Variants in C17orf67 observed in about 807,000 individuals in gnomAD.
The protein encoded by C17orf67 is uncharacterized protein C17orf67.
C17orf67 carries 12 observed loss-of-function variants against 11.2 expected under a neutral mutation model. The ratio of observed to expected loss-of-function variants is 1.07; its 90% CI spans 0.68 to 1.73. The LOEUF is 1.73. Among genes scored for constraint, C17orf67 ranks in the 40% most tolerant of loss-of-function variants. C17orf67 has a pLI of 0.00. For missense variants in C17orf67, 115 were observed against 113.5 expected (o/e 1.01, Z -0.06); for synonymous variants, 59 against 46.9 (o/e 1.26, Z -1.05).
intron 6 of C17orf67, among the ~76,000 whole-genome samples, chr17:56,811,385 A>G (rs145450504): frequency 1.2e-4 from 19 of 152,322 alleles, no homozygotes; most frequent in African/African-American, 4.3e-4. Flanking sequence ...GCCCTGCCTG[A>G]GAACTCCTGG....
At chr17:56,801,394 A>T (rs2203894) in intron 6 of C17orf67, among the ~76,000 whole-genome samples, 128,973 of 152,188 alleles carry the variant, frequency 0.85, 54,863 homozygotes, top group East Asian at 0.93. Flanking sequence ...CGGGTCCACT[A>T]TAGAACTCTA....
intron 7 of C17orf67, among the ~76,000 whole-genome samples, chr17:56,792,607 GGTGGTGGTGGTGATAATGGTGAT>G (rs1421994402): frequency 1.5e-5 from 1 of 66,992 alleles, no homozygotes; most frequent in Admixed American, 1.7e-4. Context: ...TGATGGTTAT[GGTGGTGGTGGTGATAATGGTGAT>G]GTGGTGGTGG....
intron 6 of C17orf67, among the ~76,000 whole-genome samples, chr17:56,796,852 CAG>C (rs1263091892): frequency 8.8e-5 from 3 of 34,020 alleles, no homozygotes; most frequent in Non-Finnish European, 1.3e-4. Context: ...TCCACTCTGA[CAG>C]AGTGACCCAA....
At chr17:56,795,866 C>T (rs542042257) in intron 6 of C17orf67, among the ~76,000 whole-genome samples, 1 of 152,080 alleles carries the variant, frequency 6.6e-6, no homozygotes, top group Non-Finnish European at 1.5e-5. Flanking sequence ...ATAGATGGGT[C>T]TTAGAAATAG....
Position 56,815,228 on chromosome 17 carries a change from T to C in C17orf67, c.56-259A>G, listed in dbSNP as rs184318255. 4.8e-3 allele frequency among the ~76,000 whole-genome samples: 738 copies of C among 152,248 alleles called. 3 individuals carry two copies. The highest frequency in any genetic ancestry group is 0.017 in the African/African-American group (701 of 41,518). ...TTGCAATGGTCCATCTCTTTGAAAG[T>C]GGGTATTAATTTAATGAATCTTCAG... On this transcript the variant is annotated intron_variant, in intron 5 of 7. Transcript: ENST00000397861.
chr17:56,815,923 T>C lies in C17orf67; in HGVS notation c.-113A>G. The C allele has an allele frequency of 6.3e-7, 1 of 1,576,006 alleles. No individual in the cohort carries two copies. The highest frequency in any genetic ancestry group is 8.6e-7 in the Non-Finnish European group (1 of 1,157,792). On this transcript the variant is annotated 5_prime_UTR_variant, in exon 5 of 8. Coordinates refer to ENST00000397861, the MANE Select transcript of C17orf67 (RefSeq NM_001085430.4). ...TGTTTATGCTTTGACTAACGGGACT[T>C]ACGGTATGATGCTGAATGTATCTGA...
At chr17:56,821,147 T>C (rs1252195245) in intron 4 of C17orf67, among the ~76,000 whole-genome samples, 2 of 152,142 alleles carry the variant, frequency 1.3e-5, no homozygotes, top group Non-Finnish European at 2.9e-5. Flanking sequence ...GCTCTTAAAC[T>C]CCTGGGCTCA....
intron 4 of C17orf67, among the ~76,000 whole-genome samples, chr17:56,823,287 A>C (rs1905949446): frequency 6.6e-6 from 1 of 152,144 alleles, no homozygotes; most frequent in South Asian, 2.1e-4. Flanking sequence ...TAAGCTTCGG[A>C]GAGGTTAGGA....
chr17:56,815,683 A>G, intron 5 of C17orf67, 73 bp downstream of exon 5: 1 of 1,293,970 alleles, frequency 7.7e-7, no homozygotes, highest in Non-Finnish European at 1.0e-6. Flanking sequence ...TAAAATTAAA[A>G]AATTAAATAT....
At position 56,794,844 on chromosome 17, in the gene C17orf67, C is replaced by T. The variant is rs532250956; in HGVS notation, c.*20+200G>A. On this transcript the variant is annotated intron_variant, in intron 7 of 7. Coordinates refer to ENST00000397861, the MANE Select transcript of C17orf67 (RefSeq NM_001085430.4). Reference sequence around the variant, plus strand: ...TTGTGATTCAATAAAAGTTGGGCTCCCCCATTTGTCCCCCAGTGCTCCTCT... The same window carrying T: ...TTGTGATTCAATAAAAGTTGGGCTCTCCCATTTGTCCCCCAGTGCTCCTCT... Among the ~76,000 whole-genome samples the T allele has an allele frequency of 1.6e-4, 25 of 152,184 alleles. No homozygotes were observed. In the South Asian group the frequency reaches 5.0e-3, roughly 30 times the overall value.
intron 6 of C17orf67, among the ~76,000 whole-genome samples, chr17:56,805,125 A>G: frequency 6.6e-6 from 1 of 152,226 alleles, no homozygotes; most frequent in Non-Finnish European, 1.5e-5. Flanking sequence ...GACATAAAAG[A>G]GTCAAAAATA....
At chr17:56,829,144 C>T (rs1222317731) in intron 2 of C17orf67, among the ~76,000 whole-genome samples, 9 of 152,008 alleles carry the variant, frequency 5.9e-5, no homozygotes, top group Non-Finnish European at 1.2e-4. Context: ...GGCATGGTGG[C>T]GGGCGCCTGT....
intron 7 of C17orf67, 22 bp downstream of exon 7, chr17:56,795,022 C>G (rs200524641): frequency 5.2e-6 from 8 of 1,534,130 alleles, no homozygotes; most frequent in African/African-American, 1.4e-5. Context: ...GACAGAGGTC[C>G]GGGAGAGAGA....
intron 4 of C17orf67, among the ~76,000 whole-genome samples, chr17:56,821,091 T>G (rs1471963707): frequency 6.6e-6 from 1 of 152,064 alleles, no homozygotes; most frequent in African/African-American, 2.4e-5. Flanking sequence ...TTTTATTTAT[T>G]TATTTATTTA....
intron 2 of C17orf67, among the ~76,000 whole-genome samples, chr17:56,832,162 G>A (rs762824075): frequency 6.6e-6 from 1 of 152,128 alleles, no homozygotes. Context: ...TGACCAGGCT[G>A]ATCTTGAATT....
chr17:56,798,566 A>T (rs975754941), intron 6 of C17orf67, among the ~76,000 whole-genome samples: 2 of 152,032 alleles, frequency 1.3e-5, no homozygotes, highest in South Asian at 4.1e-4. Context: ...CATGGCTCAC[A>T]TCTGTAATCC....
intron 6 of C17orf67, among the ~76,000 whole-genome samples, chr17:56,800,219 T>C (rs1905289043): frequency 6.6e-6 from 1 of 151,958 alleles, no homozygotes; most frequent in Non-Finnish European, 1.5e-5. Flanking sequence ...GCACCCACCA[T>C]CACACCCGGC....
At chr17:56,799,965 ATTAC>A (rs1198901389) in intron 6 of C17orf67, among the ~76,000 whole-genome samples, 1 of 142,564 alleles carries the variant, frequency 7.0e-6, no homozygotes, top group Non-Finnish European at 1.5e-5. Flanking sequence ...AGTGATACAT[ATTAC>A]TTTCTTAAAG....
At chr17:56,808,848 G>GCAAATCTT (rs1905520219) in intron 6 of C17orf67, among the ~76,000 whole-genome samples, 1 of 152,184 alleles carries the variant, frequency 6.6e-6, no homozygotes, top group Admixed American at 6.5e-5. Context: ...AGAGACTTCT[G>GCAAATCTT]CAAATCTTCA....
Sources: allele counts gnomAD v4.1 joint callset (sites outside exome capture counted in the v4.1 genomes callset), GRCh38; gene constraint gnomAD v4.1.1; transcripts MANE v1.5; gene names NCBI Gene and HGNC (gene_info 2026-07-23, HGNC 2026-07-21).